The following LARGE1 variants were observed in gnomAD, a reference collection of about 807,000 sequenced individuals.
LARGE1 encodes LARGE xylosyl- and glucuronyltransferase 1, also known as xylosyl- and glucuronyltransferase LARGE1.
Under a neutral mutation model 87.6 loss-of-function variants are expected in LARGE1, and 43 were observed. That is an observed-to-expected ratio of 0.49 (90% confidence interval 0.38 to 0.63). The LOEUF is 0.63. LARGE1 is among the 30% of genes least tolerant of loss of function. LARGE1 has a pLI of 0.00. For missense variants in LARGE1, 802 were observed against 1,000.2 expected, an observed-to-expected ratio of 0.80 and a Z score of 2.67; for synonymous variants, 434 against 394.6, an observed-to-expected ratio of 1.10 and a Z score of -1.18.
intron 11 of LARGE1, among the ~76,000 whole-genome samples, chr22:33,239,655 C>T (rs1355114462): frequency 2.7e-5 from 4 of 150,420 alleles, no homozygotes; most frequent in Admixed American, 6.7e-5. Flanking sequence ...TCTCCTGCCT[C>T]GGCCTCCCGA....
the LARGE1 span, among the ~76,000 whole-genome samples, chr22:33,111,200 G>T: frequency 6.6e-6 from 1 of 152,122 alleles, no homozygotes; most frequent in African/African-American, 2.4e-5. Context: ...GAGGAGAGAT[G>T]GGGGAGAGGT....
intron 1 of LARGE1, among the ~76,000 whole-genome samples, chr22:33,919,504 T>C (rs966583208): frequency 6.6e-6 from 1 of 152,194 alleles, no homozygotes; most frequent in African/African-American, 2.4e-5. Flanking sequence ...AACCACTCTG[T>C]CCTAAAGAGG....
chr22:33,394,902 G>A (rs1426965353), intron 7 of LARGE1, among the ~76,000 whole-genome samples: 1 of 152,082 alleles, frequency 6.6e-6, no homozygotes, highest in African/African-American at 2.4e-5. Flanking sequence ...CTGCCTCTGT[G>A]AAAACCTGGG....
At chr22:33,819,919 A>G (rs2086769214) in intron 1 of LARGE1, among the ~76,000 whole-genome samples, 1 of 152,180 alleles carries the variant, frequency 6.6e-6, no homozygotes, top group South Asian at 2.1e-4. Context: ...AGCCAGTAGG[A>G]CATGTGCAGC....
intron 9 of LARGE1, 120 bp downstream of exon 9, chr22:33,381,799 C>A (rs1433032938): frequency 3.1e-6 from 4 of 1,306,770 alleles, no homozygotes; most frequent in Non-Finnish European, 4.4e-6. Flanking sequence ...TCATTCTGCT[C>A]TCCTGTGCCC....
intron 1 of LARGE1, among the ~76,000 whole-genome samples, chr22:33,774,440 C>T (rs1210782091): frequency 1.3e-5 from 2 of 152,014 alleles, no homozygotes; most frequent in Non-Finnish European, 2.9e-5. Context: ...CACTGAAAGC[C>T]CCACCTCCCG....
chr22:33,214,728 C>T lies in LARGE1; in HGVS notation c.1731-47896G>A, dbSNP rs551582822. Reference sequence around the variant, plus strand: ...CTGAAGTGTGTGCATGCAGGATTTTCCTTCAGGTTCCATTTTCGAGGGAGC... The same window carrying T: ...CTGAAGTGTGTGCATGCAGGATTTTTCTTCAGGTTCCATTTTCGAGGGAGC... On this transcript the variant is annotated intron_variant, in intron 11 of 11. Coordinates refer to the LARGE1 transcript ENST00000608642. Among the ~76,000 whole-genome samples the T allele has an allele frequency of 5.9e-5, 9 of 152,316 alleles. No individual in the cohort carries two copies. The South Asian group carries it at 1.9e-3, about 32-fold the overall frequency.
intron 6 of LARGE1, among the ~76,000 whole-genome samples, chr22:33,533,945 T>G (rs1017286312): frequency 1.3e-5 from 2 of 152,122 alleles, no homozygotes; most frequent in Non-Finnish European, 2.9e-5. Context: ...TCCTATCCAT[T>G]TCTTTATTTT....
At chr22:33,545,924 T>C (rs1485686526) in intron 6 of LARGE1, among the ~76,000 whole-genome samples, 2 of 152,212 alleles carry the variant, frequency 1.3e-5, no homozygotes, top group Non-Finnish European at 2.9e-5. Flanking sequence ...TTGATTCTGC[T>C]GTTGTGCTCA....
chr22:33,342,014 CT>C (rs1939201846), intron 9 of LARGE1, among the ~76,000 whole-genome samples: 1 of 152,138 alleles, frequency 6.6e-6, no homozygotes, highest in South Asian at 2.1e-4. Flanking sequence ...TTCGATGAGG[CT>C]TACATTTCAG....
chr22:33,754,201 T>C (rs926764395), intron 2 of LARGE1, among the ~76,000 whole-genome samples: 4 of 152,314 alleles, frequency 2.6e-5, no homozygotes, highest in East Asian at 1.9e-4. Flanking sequence ...TACAGACACA[T>C]GCACTGGGCA....
chr22:33,359,468 A>G lies in LARGE1; in HGVS notation c.1132-21667T>C, dbSNP rs140107290. Among the ~76,000 whole-genome samples the G allele has an allele frequency of 9.8e-3, 1,497 of 152,170 alleles. 12 individuals are homozygous for G. Among genetic ancestry groups the G allele is most frequent in the Non-Finnish European group, 0.016 (1,104 of 67,992 alleles). ...TCCTTTTCATCTTTTGAGGCCCACAATGAAGCTGTGACAGCTCACTTCTGT... is the reference window on the plus strand; with the variant it reads ...TCCTTTTCATCTTTTGAGGCCCACAGTGAAGCTGTGACAGCTCACTTCTGT... On this transcript the variant is annotated intron_variant, in intron 9 of 14. Coordinates refer to ENST00000397394, the MANE Select transcript of LARGE1 (RefSeq NM_133642.5).
intron 7 of LARGE1, among the ~76,000 whole-genome samples, chr22:33,430,255 T>A (rs2067032475): frequency 6.6e-6 from 1 of 152,064 alleles, no homozygotes; most frequent in Non-Finnish European, 1.5e-5. Flanking sequence ...ATAGGATGAG[T>A]GTGAGGATCA....
intron 6 of LARGE1, among the ~76,000 whole-genome samples, chr22:33,464,860 C>T (rs552350041): frequency 1.0e-3 from 149 of 149,384 alleles, no homozygotes; most frequent in African/African-American, 3.5e-3. Flanking sequence ...TACACACACA[C>T]TACACACACA....
chr22:33,298,817 C>T, intron 12 of LARGE1, among the ~76,000 whole-genome samples: 1 of 149,404 alleles, frequency 6.7e-6, no homozygotes, highest in Non-Finnish European at 1.5e-5. Flanking sequence ...GGTGACAGAG[C>T]AAGACCCTGT....
intron 2 of LARGE1, among the ~76,000 whole-genome samples, chr22:33,712,824 A>C (rs2082776756): frequency 6.6e-6 from 1 of 152,156 alleles, no homozygotes; most frequent in African/African-American, 2.4e-5. Context: ...AACCAGAGTG[A>C]AATTTAAATT....
At chr22:33,184,884 C>G (rs1415302099) in intron 11 of LARGE1, among the ~76,000 whole-genome samples, 1 of 151,986 alleles carries the variant, frequency 6.6e-6, no homozygotes, top group African/African-American at 2.4e-5. Context: ...TTATTAAGGC[C>G]AAAATCGAAA....
chr22:33,508,043 TTCCCTTTGATAATGTGCTCCC>T lies in LARGE1; in HGVS notation c.787+56784_787+56804del, dbSNP rs566517709. On this transcript the variant is annotated intron_variant, in intron 6 of 14. Coordinates refer to ENST00000397394, the MANE Select transcript of LARGE1 (RefSeq NM_133642.5). ...AGAGACAGAACAGAAACAGCCACAC[TTCCCTTTGATAATGTGCTCCC>T]TCTCCTAATTAACAAGACCTTGCAC... Among the ~76,000 whole-genome samples the T allele has an allele frequency of 4.1e-3, 627 of 152,314 alleles. 4 individuals are homozygous for T. The highest frequency in any genetic ancestry group is 8.0e-3 in the Admixed American group (123 of 15,300).
At chr22:33,455,308 C>T (rs1242960124) in intron 6 of LARGE1, among the ~76,000 whole-genome samples, 2 of 152,170 alleles carry the variant, frequency 1.3e-5, no homozygotes, top group Non-Finnish European at 2.9e-5. Context: ...TGGGTGCTTA[C>T]CAAGAGTGAC....
Sources: allele counts gnomAD v4.1 joint callset (sites outside exome capture counted in the v4.1 genomes callset), GRCh38; gene constraint gnomAD v4.1.1; transcripts MANE v1.5; gene names NCBI Gene and HGNC (gene_info 2026-07-23, HGNC 2026-07-21).